TAS2R1: variants seen among roughly 807,000 people sequenced by gnomAD.
TAS2R1 encodes taste receptor type 2 member 1.
For synonymous variants in TAS2R1, 141 were observed against 134.2 expected (o/e 1.05, Z -0.35); for missense variants, 370 against 353.4 (o/e 1.05, Z -0.38).
chr5:9,650,489 T>G (rs1328806436), intron 2 of TAS2R1, among the ~76,000 whole-genome samples: 2 of 152,102 alleles, frequency 1.3e-5, no homozygotes, highest in Non-Finnish European at 2.9e-5. Context: ...CATTGGGGAT[T>G]ACACAACTCT....
chr5:9,887,316 T>C, the TAS2R1 span, among the ~76,000 whole-genome samples: 2 of 152,350 alleles, frequency 1.3e-5, no homozygotes, highest in Middle Eastern at 6.8e-3. Flanking sequence ...TAGTGCAAAG[T>C]TGCTGAATAT....
At chr5:9,846,003 T>C in the TAS2R1 span, among the ~76,000 whole-genome samples, 1 of 152,190 alleles carries the variant, frequency 6.6e-6, no homozygotes, top group South Asian at 2.1e-4. Flanking sequence ...TAGCATGAGC[T>C]TGAAGGTAAT....
chr5:9,818,981 C>T, the TAS2R1 span, among the ~76,000 whole-genome samples: 2 of 152,180 alleles, frequency 1.3e-5, no homozygotes, highest in South Asian at 2.1e-4. Context: ...TTAATGACTT[C>T]GAAGCCATGT....
the TAS2R1 span, among the ~76,000 whole-genome samples, chr5:9,725,244 G>A: frequency 4.4e-4 from 67 of 152,372 alleles, 3 homozygotes; most frequent in South Asian, 0.013. Flanking sequence ...GCTGCACTGT[G>A]GGAGCCCCCT....
the TAS2R1 span, among the ~76,000 whole-genome samples, chr5:9,738,105 C>T: frequency 3.7e-4 from 57 of 152,186 alleles, no homozygotes; most frequent in Non-Finnish European, 6.2e-4. Flanking sequence ...CAATTCTCTC[C>T]CCTCAAACAC....
the TAS2R1 span, among the ~76,000 whole-genome samples, chr5:9,837,236 G>A: frequency 1.3e-5 from 2 of 152,146 alleles, no homozygotes; most frequent in African/African-American, 2.4e-5. Flanking sequence ...CTCTTCCCGA[G>A]GCATGGAGAA....
chr5:9,718,621 TACAAAACAAA>T, the TAS2R1 span, among the ~76,000 whole-genome samples: 4 of 151,988 alleles, frequency 2.6e-5, no homozygotes, highest in South Asian at 2.1e-4. Flanking sequence ...CCCTCATCTC[TACAAAACAAA>T]ACAAAACAAA....
chr5:9,882,900 A>T, the TAS2R1 span, among the ~76,000 whole-genome samples: 50 of 152,256 alleles, frequency 3.3e-4, no homozygotes, highest in Non-Finnish European at 4.8e-4. Flanking sequence ...AATATAAATC[A>T]TTCTATTAAA....
the TAS2R1 span, among the ~76,000 whole-genome samples, chr5:9,776,288 T>C: frequency 1.3e-5 from 2 of 152,162 alleles, no homozygotes; most frequent in East Asian, 3.9e-4. Context: ...GCATGGATTC[T>C]CTCTCCATGC....
chr5:9,666,549 G>A (rs1033849444), intron 1 of TAS2R1, among the ~76,000 whole-genome samples: 5 of 152,158 alleles, frequency 3.3e-5, no homozygotes, highest in African/African-American at 1.2e-4. Flanking sequence ...CCTTGATGAT[G>A]ATACTTACAG....
chr5:9,755,107 C>T, the TAS2R1 span, among the ~76,000 whole-genome samples: 3 of 152,084 alleles, frequency 2.0e-5, no homozygotes, highest in African/African-American at 7.2e-5. Flanking sequence ...TAGCCCAATT[C>T]GGTATACCCT....
the TAS2R1 span, among the ~76,000 whole-genome samples, chr5:9,812,747 AACTTGGTC>A: frequency 3.9e-5 from 6 of 152,216 alleles, no homozygotes; most frequent in African/African-American, 1.2e-4. Context: ...GACCAAAACA[AACTTGGTC>A]ACTGCCGTAG....
intron 1 of TAS2R1, among the ~76,000 whole-genome samples, chr5:9,676,687 C>T (rs1437513756): frequency 6.6e-6 from 1 of 151,946 alleles, no homozygotes; most frequent in Non-Finnish European, 1.5e-5. Context: ...TCTATGAAAC[C>T]TTGGATTTGG....
the TAS2R1 span, among the ~76,000 whole-genome samples, chr5:9,722,220 C>T: frequency 7.9e-5 from 12 of 152,222 alleles, 1 homozygote; most frequent in Non-Finnish European, 8.8e-5. Flanking sequence ...CACAGGGGAC[C>T]CCTGAGGCCA....
At chr5:9,878,646 A>C in the TAS2R1 span, among the ~76,000 whole-genome samples, 1 of 152,204 alleles carries the variant, frequency 6.6e-6, no homozygotes. Context: ...AATTACAGTG[A>C]GCTCCAAACG....
At chr5:9,691,076 G>A (rs879277489) in intron 1 of TAS2R1, among the ~76,000 whole-genome samples, 4 of 152,214 alleles carry the variant, frequency 2.6e-5, no homozygotes, top group Non-Finnish European at 5.9e-5. Flanking sequence ...AATATGCAAA[G>A]CCTATGAATG....
chr5:9,827,153 C>CCCTTCCT, the TAS2R1 span, among the ~76,000 whole-genome samples: 3 of 152,138 alleles, frequency 2.0e-5, no homozygotes, highest in Non-Finnish European at 4.4e-5. Context: ...CACCTTGTGC[C>CCCTTCCT]CCTTCCTCCT....
At chr5:9,803,766 T>G in the TAS2R1 span, among the ~76,000 whole-genome samples, 1 of 152,028 alleles carries the variant, frequency 6.6e-6, no homozygotes, top group African/African-American at 2.4e-5. Flanking sequence ...AACAAATCCT[T>G]GAAACACACA....
chr5:9,794,143 A>G, the TAS2R1 span, among the ~76,000 whole-genome samples: 1 of 152,186 alleles, frequency 6.6e-6, no homozygotes, highest in African/African-American at 2.4e-5. Flanking sequence ...CATTTGAAAC[A>G]TCTCTGTTAT....
Sources: allele counts gnomAD v4.1 joint callset (sites outside exome capture counted in the v4.1 genomes callset), GRCh38; gene constraint gnomAD v4.1.1; transcripts MANE v1.5; gene names NCBI Gene and HGNC (gene_info 2026-07-23, HGNC 2026-07-21).